The following COL6A1 variants were observed in gnomAD, a reference collection of about 807,000 sequenced individuals.
COL6A1 encodes collagen alpha-1(VI) chain.
COL6A1 carries 80 observed loss-of-function variants against 145.6 expected under a neutral mutation model. That is an observed-to-expected ratio of 0.55 (90% CI 0.46 to 0.66). The LOEUF (loss-of-function observed/expected upper bound fraction) is 0.66. COL6A1 is among the 30% of genes least tolerant of loss of function. The pLI is 0.00. For synonymous variants in COL6A1, 638 were observed against 622.8 expected (o/e 1.02, Z -0.36); for missense variants, 1,364 against 1,473.8 (o/e 0.93, Z 1.22).
intron 20 of COL6A1, 130 bp from the exon 21 acceptor site, chr21:45,997,291 C>T (rs2077810777): frequency 1.1e-5 from 9 of 851,948 alleles, no homozygotes; most frequent in Middle Eastern, 2.2e-4. Context: ...TCTCCCCCTG[C>T]ACTGATGGGA....
intron 25 of COL6A1, 88 bp from the exon 26 acceptor site, chr21:45,999,065 C>T: frequency 6.5e-7 from 1 of 1,542,556 alleles, no homozygotes; most frequent in South Asian, 1.2e-5. Flanking sequence ...CCTCATGGGC[C>T]CCGGCTGCTG....
chr21:45,999,430 G>A (rs191616900), intron 26 of COL6A1: 52 of 728,754 alleles, frequency 7.1e-5, no homozygotes, highest in Admixed American at 1.7e-4. Context: ...GGGACACAGC[G>A]GGTCCTCAGG....
chr21:45,999,287 A>C lies in COL6A1; in HGVS notation c.1740+69A>C. 4 of 1,425,212 alleles carry C rather than the reference A, an allele frequency of 2.8e-6. No individual in the cohort carries two copies. The South Asian group carries it at 4.9e-5, about 17-fold the overall frequency. The allele number at this position is 1,425,212 out of a possible 1,614,324, so 88.3% of individuals were successfully genotyped here. A position where few individuals can be genotyped will look rare whatever the true frequency, so the allele number is the denominator to read the frequency against. ...GGACGCCGGATGCTGGGGCTGGGGAATGCTGGAAGAGGCTGGGAGAGTGGG... is the reference window on the plus strand; with the variant it reads ...GGACGCCGGATGCTGGGGCTGGGGACTGCTGGAAGAGGCTGGGAGAGTGGG... On this transcript the variant is annotated intron_variant, in intron 26 of 34. Transcript: ENST00000361866.
intron 27 of COL6A1, among the ~76,000 whole-genome samples, chr21:45,999,917 G>GA (rs2077830120): frequency 3.1e-5 from 4 of 128,844 alleles, no homozygotes; most frequent in East Asian, 2.3e-4. Flanking sequence ...GAGGATCATG[G>GA]GGGACATGTG....
chr21:45,990,709 C>G, intron 13 of COL6A1, 64 bp from the exon 14 acceptor site: 1 of 1,441,704 alleles, frequency 6.9e-7, no homozygotes, highest in Non-Finnish European at 9.8e-7. Flanking sequence ...CCAAGTCTGA[C>G]AGTTGATTGG....
In COL6A1 at chr21:45,992,184, GC is replaced by G. The variant is rs1253250417; in HGVS notation, c.1209del (p.Gly404GlufsTer101). The part of the protein sequence containing the change: ...GDEGQPGEPG[P>X]PGEKGEAGDE... Reference sequence around the variant, plus strand: ...CACAGGGCCAGCCGGGAGAGCCTGGGCCCCCCGGAGAGAAAGGAGAGGCGGG... The same window carrying G: ...CACAGGGCCAGCCGGGAGAGCCTGGGCCCCCGGAGAGAAAGGAGAGGCGGG... On this transcript the variant is annotated frameshift_variant, in exon 17 of 35. Transcript: ENST00000361866. LOFTEE classifies it high-confidence loss of function. 1.2e-6 allele frequency: 2 copies of G among 1,613,742 alleles called. No homozygotes were observed. The highest frequency in any genetic ancestry group is 8.5e-7 in the Non-Finnish European group (1 of 1,179,992).
At chr21:45,996,388 C>T (rs1248035833) in intron 20 of COL6A1, among the ~76,000 whole-genome samples, 1 of 152,246 alleles carries the variant, frequency 6.6e-6, no homozygotes, top group African/African-American at 2.4e-5. Flanking sequence ...GCTTCACAGC[C>T]AGGCCTGGGT....
At chr21:45,985,622 G>A (rs2077735144) in intron 3 of COL6A1, among the ~76,000 whole-genome samples, 2 of 152,232 alleles carry the variant, frequency 1.3e-5, no homozygotes, top group African/African-American at 4.8e-5. Context: ...AAGCCCCGGA[G>A]TGTCCAGAGG....
In COL6A1 at chr21:45,999,507, C is replaced by T. The variant is rs188696684; in HGVS notation, c.1741-150C>T. On this transcript the variant is annotated intron_variant, in intron 26 of 34. Coordinates refer to ENST00000361866, the MANE Select transcript of COL6A1 (RefSeq NM_001848.3). The stretch of plus-strand genomic sequence containing the variant: ...GAAGCCCCAGCTGCCCTCACAGCAC[C>T]GTCACTGGAGGACGAGGGGCTGGGT... The T allele has an allele frequency of 4.9e-4, 445 of 904,534 alleles. 2 individuals carry two copies. In the African/African-American group the frequency reaches 6.3e-3, roughly 13 times the overall value. 56.0% of individuals were successfully genotyped at this position (904,534 alleles called of 1,614,324 possible).
intron 2 of COL6A1, among the ~76,000 whole-genome samples, chr21:45,983,292 T>G (rs1815380611): frequency 6.6e-6 from 1 of 151,016 alleles, no homozygotes; most frequent in Admixed American, 6.6e-5. Flanking sequence ...GTTCTGGGCT[T>G]GGGACACGGC....
chr21:45,985,107 G>A (rs9754024), intron 3 of COL6A1, among the ~76,000 whole-genome samples: 27,313 of 151,314 alleles, frequency 0.18, 4,255 homozygotes, highest in African/African-American at 0.42. Flanking sequence ...GACAGAGACA[G>A]AGGGGCAGAG....
At chr21:45,995,585 G>A (rs979279460) in intron 20 of COL6A1, among the ~76,000 whole-genome samples, 6 of 152,212 alleles carry the variant, frequency 3.9e-5, no homozygotes, top group African/African-American at 1.4e-4. Flanking sequence ...GTAATCAATA[G>A]CCACTATAAG....
Position 46,002,653 on chromosome 21 carries a change from T to C in COL6A1, c.2377T>C (p.Tyr793His), listed in dbSNP as rs1420419013. The change falls in exon 33 of 35, where the codon TAT becomes CAT. Residue 793 changes from tyrosine to histidine, a missense_variant. Tyr to His is a moderately conservative substitution (Grantham distance 83). Transcript: ENST00000361866. ...RPGLSLVKEN[Y>H]AELLEDAFLK... ...CGGCCTCTCGCTGGTCAAGGAGAAC[T>C]ATGCAGAGCTGCTGGAGGATGCCTT... 6.2e-7 allele frequency: 1 copy of C among 1,613,818 alleles called. No homozygotes were observed. The highest frequency in any genetic ancestry group is 8.5e-7 in the Non-Finnish European group (1 of 1,179,992).
At position 45,981,776 on chromosome 21, in the gene COL6A1, C is replaced by A; in HGVS notation, c.-75C>A. 1.8e-6 allele frequency: 2 copies of A among 1,140,102 alleles called. No homozygotes were observed. The highest frequency in any genetic ancestry group is 2.5e-6 in the Non-Finnish European group (2 of 801,588). The allele number at this position is 1,140,102 out of a possible 1,614,324, so 70.6% of individuals were successfully genotyped here. The stretch of plus-strand genomic sequence containing the variant: ...TCTCACTCTGGCTGGGAGCAGAAGG[C>A]AGCCTCGGTCTCTGGGCGGCGGCGG... On this transcript the variant is annotated 5_prime_UTR_variant, in exon 1 of 35. Transcript: ENST00000361866.
chr21:45,994,313 T>G lies in COL6A1; in HGVS notation c.1398+84T>G. On this transcript the variant is annotated intron_variant, in intron 20 of 34. Transcript: ENST00000361866. This position sits in a 1 kb window ranked among gnomAD's most constrained non-coding sequence, Gnocchi z 6.8. Reference sequence around the variant, plus strand: ...GCTCCAGCAGCTCACGCACTGGGGGTCTGTTCATTTCCGTTTGAGGGCCTC... The same window carrying G: ...GCTCCAGCAGCTCACGCACTGGGGGGCTGTTCATTTCCGTTTGAGGGCCTC... 4 of 1,276,866 alleles carry G rather than the reference T, an allele frequency of 3.1e-6. No homozygotes were observed. The highest frequency in any genetic ancestry group is 4.5e-6 in the Non-Finnish European group (4 of 897,632). 79.1% of individuals were successfully genotyped at this position (1,276,866 alleles called of 1,614,324 possible). A position where few individuals can be genotyped will look rare whatever the true frequency, so the allele number is the denominator to read the frequency against.
At chr21:46,002,117 G>A (rs923423704) in intron 31 of COL6A1, 47 bp downstream of exon 31, 12 of 1,580,538 alleles carry the variant, frequency 7.6e-6, no homozygotes, top group African/African-American at 5.4e-5. Context: ...CGCCCCGACC[G>A]CTGTTCCCAC....
chr21:45,995,660 G>A (rs571424310), intron 20 of COL6A1, among the ~76,000 whole-genome samples: 1 of 152,348 alleles, frequency 6.6e-6, no homozygotes, highest in Non-Finnish European at 1.5e-5. Flanking sequence ...GCCGGCTGCA[G>A]GGCCTCCAGG....
chr21:45,992,438 A>G lies in COL6A1; in HGVS notation c.1272+40A>G, dbSNP rs372576723. 3.2e-5 allele frequency: 51 copies of G among 1,607,358 alleles called. No homozygotes were observed. In the East Asian group the frequency reaches 4.5e-4, roughly 14 times the overall value. ...GGCAGCCTGCGCTGTTGGCCTCACC[A>G]TGTAGCTGTGGACGTGGCCTCTGCG... On this transcript the variant is annotated intron_variant, in intron 18 of 34. Transcript: ENST00000361866.
chr21:45,992,054 G>T lies in COL6A1; in HGVS notation c.1164G>T (p.Ser388=). 1 of 1,610,586 alleles carries T rather than the reference G, an allele frequency of 6.2e-7. No homozygotes were observed. Residue 388 remains serine, a synonymous_variant, in exon 16 of 35, where the codon TCG becomes TCT. Transcript: ENST00000361866. ...ADGEAGRPGS[S]GPSGDEGQPG... is the part of the protein sequence containing the mutation. ...GGGAGGCGGGGAGACCAGGGAGCTC[G>T]GGACCATCTGGAGACGAGGTGAGGA...
Sources: allele counts gnomAD v4.1 joint callset (sites outside exome capture counted in the v4.1 genomes callset), GRCh38; gene constraint gnomAD v4.1.1; non-coding constraint Gnocchi (gnomAD v3.1); transcripts MANE v1.5; gene names NCBI Gene and HGNC (gene_info 2026-07-23, HGNC 2026-07-21).